KCNK12: variants seen among roughly 807,000 people sequenced by gnomAD.
KCNK12 encodes the protein potassium channel subfamily K member 12.
Under a neutral mutation model 25.3 loss-of-function variants are expected in KCNK12, and 6 were observed. The observed-to-expected ratio is 0.24, with a 90% CI of 0.13 to 0.47. The LOEUF (loss-of-function observed/expected upper bound fraction) is 0.47. KCNK12 is among the 20% of genes least tolerant of loss of function. The pLI is 0.99. For synonymous variants in KCNK12, 331 were observed against 311.1 expected, an observed-to-expected ratio of 1.06 and a Z score of -0.67; for missense variants, 444 against 661.7, an observed-to-expected ratio of 0.67 and a Z score of 3.61.
intron 1 of KCNK12, among the ~76,000 whole-genome samples, chr2:47,532,638 G>A (rs1029741622): frequency 2.0e-5 from 3 of 152,088 alleles, no homozygotes; most frequent in Non-Finnish European, 4.4e-5. Flanking sequence ...CAGTCAAGGC[G>A]TTCCATCTGG....
intron 1 of KCNK12, among the ~76,000 whole-genome samples, chr2:47,561,273 A>G (rs953979209): frequency 6.6e-6 from 1 of 152,204 alleles, no homozygotes; most frequent in African/African-American, 2.4e-5. Context: ...TCACTGGTCT[A>G]ACTCACCACT....
intron 1 of KCNK12, among the ~76,000 whole-genome samples, chr2:47,568,166 C>G (rs1422094715): frequency 2.6e-5 from 4 of 152,046 alleles, no homozygotes; most frequent in African/African-American, 9.7e-5. Context: ...GCTATGACCA[C>G]CCAATATGTG....
intron 1 of KCNK12, chr2:47,543,315 C>A (rs1395210484): frequency 6.7e-6 from 1 of 149,954 alleles, no homozygotes; most frequent in African/African-American, 2.5e-5. Flanking sequence ...CTCACTGAGG[C>A]TTATGTGGGG....
At chr2:47,542,347 G>A (rs1011543401) in intron 1 of KCNK12, among the ~76,000 whole-genome samples, 2 of 152,196 alleles carry the variant, frequency 1.3e-5, no homozygotes, top group Admixed American at 6.5e-5. Context: ...TGGAGCCTTC[G>A]CAAACAAGTC....
At chr2:47,544,719 C>T (rs1181212662) in intron 1 of KCNK12, among the ~76,000 whole-genome samples, 1 of 152,210 alleles carries the variant, frequency 6.6e-6, no homozygotes, top group African/African-American at 2.4e-5. Context: ...ACACAGTCTT[C>T]ACCAGGGCCC....
At chr2:47,539,664 C>A (rs1019703933) in intron 1 of KCNK12, among the ~76,000 whole-genome samples, 5 of 152,140 alleles carry the variant, frequency 3.3e-5, no homozygotes, top group Non-Finnish European at 7.4e-5. Flanking sequence ...TGGGATTTGG[C>A]AACTGGGAGG....
At chr2:47,536,412 C>A (rs148570850) in intron 1 of KCNK12, among the ~76,000 whole-genome samples, 1 of 152,298 alleles carries the variant, frequency 6.6e-6, no homozygotes, top group East Asian at 1.9e-4. Context: ...GAATGCAGGT[C>A]CTCAGGGAGC....
At chr2:47,550,197 A>G (rs1235327455) in intron 1 of KCNK12, among the ~76,000 whole-genome samples, 1 of 152,166 alleles carries the variant, frequency 6.6e-6, no homozygotes, top group Non-Finnish European at 1.5e-5. Context: ...AATAATGTCA[A>G]TCTTTCCAAA....
intron 1 of KCNK12, among the ~76,000 whole-genome samples, chr2:47,550,044 G>T (rs1669393970): frequency 6.6e-6 from 1 of 151,704 alleles, no homozygotes; most frequent in African/African-American, 2.4e-5. Flanking sequence ...CATAGCAATA[G>T]AACTATTCAA....
At chr2:47,549,842 G>A (rs924999464) in intron 1 of KCNK12, among the ~76,000 whole-genome samples, 4 of 152,034 alleles carry the variant, frequency 2.6e-5, no homozygotes, top group African/African-American at 9.7e-5. Context: ...GCTGAGGCAG[G>A]AGAATTGCTT....
At chr2:47,536,741 G>A (rs1378045520) in intron 1 of KCNK12, among the ~76,000 whole-genome samples, 1 of 152,208 alleles carries the variant, frequency 6.6e-6, no homozygotes, top group East Asian at 1.9e-4. Flanking sequence ...TTGAGTTCTT[G>A]AGTTAGGTGA....
At chr2:47,550,918 C>T (rs549629179) in intron 1 of KCNK12, among the ~76,000 whole-genome samples, 4 of 152,220 alleles carry the variant, frequency 2.6e-5, no homozygotes, top group Admixed American at 2.0e-4. Context: ...TCTATATTTC[C>T]CCCGTACAGT....
intron 1 of KCNK12, among the ~76,000 whole-genome samples, chr2:47,523,467 A>T (rs1668704912): frequency 6.6e-6 from 1 of 152,352 alleles, no homozygotes; most frequent in South Asian, 2.1e-4. Flanking sequence ...GGTCTATACA[A>T]CTGCGTATTG....
intron 1 of KCNK12, among the ~76,000 whole-genome samples, chr2:47,545,244 A>C (rs925533565): frequency 3.3e-5 from 5 of 152,184 alleles, no homozygotes; most frequent in Non-Finnish European, 5.9e-5. Context: ...ATGAAGGGTA[A>C]AGGACAGGCA....
In KCNK12 at chr2:47,520,783, A is replaced by C. The variant is rs781699971; in HGVS notation, c.*124T>G. ...TGGCCAAATAGTATTTCTTTAAAAA[A>C]ATTTTTTTTGTTTCATTTTATTGGA... On this transcript the variant is annotated 3_prime_UTR_variant, in exon 2 of 2. Transcript: ENST00000327876. The surrounding 1 kb of genome is among the most constrained non-coding windows in gnomAD (Gnocchi z 5.0). The C allele has an allele frequency of 8.9e-5, 65 of 726,306 alleles. 1 individual carries two copies. The highest frequency in any genetic ancestry group is 1.2e-4 in the Non-Finnish European group (64 of 526,740). 45.0% of individuals were successfully genotyped at this position (726,306 alleles called of 1,614,324 possible).
Position 47,516,863 on chromosome 2 carries a change from G to A in KCNK12, c.*4044C>T, listed in dbSNP as rs991744024. On this transcript the variant is annotated 3_prime_UTR_variant, in exon 2 of 2. Transcript: ENST00000327876. Reference sequence around the variant, plus strand: ...GAAGGTGTAGCAATTGTGCTCTGGGGTGCCTGAAAGTGCCAGAGCTGCTTC... The same window carrying A: ...GAAGGTGTAGCAATTGTGCTCTGGGATGCCTGAAAGTGCCAGAGCTGCTTC... The A allele has an allele frequency of 6.6e-6, 1 of 152,176 alleles. No individual in the cohort carries two copies. Among genetic ancestry groups the A allele is most frequent in the African/African-American group, 2.4e-5 (1 of 41,414 alleles). 9.4% of individuals were successfully genotyped at this position (152,176 alleles called of 1,614,324 possible).
rs1025723756 is a variant in KCNK12 at position 47,537,425 on chromosome 2, G to A, written c.392-15617C>T. On this transcript the variant is annotated intron_variant, in intron 1 of 1. Coordinates refer to ENST00000327876, the MANE Select transcript of KCNK12 (RefSeq NM_022055.2). ...AGCTCTCTGCAACCTCCGCCTCCCG[G>A]GTTCAAGTGATTCTCCTGCCTCAGC... is the stretch of plus-strand genomic sequence containing the variant. 3.3e-5 allele frequency among the ~76,000 whole-genome samples: 5 copies of A among 151,676 alleles called. No homozygotes were observed. In the South Asian group the frequency reaches 8.4e-4, roughly 25 times the overall value.
chr2:47,521,858 T>G (rs1573622181), intron 1 of KCNK12, 50 bp from the exon 2 acceptor site: 2 of 993,122 alleles, frequency 2.0e-6, no homozygotes, highest in Non-Finnish European at 2.7e-6. Context: ...CAGGTGGTCC[T>G]CACTGGGCGA....
In KCNK12 at chr2:47,509,509, C is replaced by T. The variant is rs1668348699; in HGVS notation, c.*11398G>A. Reference sequence around the variant, plus strand: ...ATCAGCATTAGCTGGCTGGAGGTGGCCTGCTGTGTGCAGATGGTACCTGGT... The same window carrying T: ...ATCAGCATTAGCTGGCTGGAGGTGGTCTGCTGTGTGCAGATGGTACCTGGT... On this transcript the variant is annotated 3_prime_UTR_variant, in exon 2 of 2. Transcript: ENST00000327876. Among the ~76,000 whole-genome samples the T allele has an allele frequency of 6.6e-6, 1 of 152,206 alleles. No individual in the cohort carries two copies. Among genetic ancestry groups the T allele is most frequent in the African/African-American group, 2.4e-5 (1 of 41,468 alleles).
Sources: allele counts gnomAD v4.1 joint callset (sites outside exome capture counted in the v4.1 genomes callset), GRCh38; gene constraint gnomAD v4.1.1; non-coding constraint Gnocchi (gnomAD v3.1); transcripts MANE v1.5; gene names NCBI Gene and HGNC (gene_info 2026-07-23, HGNC 2026-07-21).